Variants in LMTK2 observed in about 807,000 individuals in gnomAD.
LMTK2 encodes serine/threonine-protein kinase LMTK2.
A neutral mutation model predicts 127.5 loss-of-function variants in LMTK2; 37 were observed. The observed-to-expected ratio is 0.29, with a 90% CI of 0.22 to 0.38. The LOEUF (loss-of-function observed/expected upper bound fraction) is 0.38. Among genes scored for constraint, LMTK2 ranks in the 10% least tolerant of loss-of-function variants. The pLI is 1.00. For synonymous variants in LMTK2, 819 were observed against 810.1 expected, an observed-to-expected ratio of 1.01 and a Z score of -0.19; for missense variants, 1,694 against 1,920.3, an observed-to-expected ratio of 0.88 and a Z score of 2.20.
intron 1 of LMTK2, among the ~76,000 whole-genome samples, chr7:98,126,306 T>C (rs2116339639): frequency 6.6e-6 from 1 of 152,268 alleles, no homozygotes; most frequent in South Asian, 2.1e-4. Flanking sequence ...CAAAACAGAA[T>C]ATCCTTCCCC....
chr7:98,160,039 A>G (rs6958572), intron 6 of LMTK2, among the ~76,000 whole-genome samples: 54,367 of 152,178 alleles, frequency 0.36, 12,678 homozygotes, highest in Middle Eastern at 0.6. Flanking sequence ...TTTCTATGTG[A>G]AATTTCCTCT....
intron 5 of LMTK2, among the ~76,000 whole-genome samples, chr7:98,157,516 C>T (rs1240040592): frequency 1.3e-5 from 2 of 151,910 alleles, no homozygotes; most frequent in African/African-American, 2.4e-5. Flanking sequence ...GTACAAAAAC[C>T]CTTGCATGAT....
chr7:98,171,978 C>T lies in LMTK2; in HGVS notation c.791+304C>T, dbSNP rs1356526080. 1.3e-5 allele frequency among the ~76,000 whole-genome samples: 2 copies of T among 152,208 alleles called. No individual in the cohort carries two copies. The highest frequency in any genetic ancestry group is 2.4e-5 in the African/African-American group (1 of 41,456). ...TCCCGATCCACCGTATGACACCTCG[C>T]GTGTTTCATCCTTGCCACACCAGCT... On this transcript the variant is annotated intron_variant, in intron 7 of 13. Coordinates refer to ENST00000297293, the MANE Select transcript of LMTK2 (RefSeq NM_014916.4). This position sits in a 1 kb window ranked among gnomAD's most constrained non-coding sequence, Gnocchi z 5.1.
intron 7 of LMTK2, among the ~76,000 whole-genome samples, chr7:98,173,779 G>A (rs895744077): frequency 1.3e-5 from 2 of 152,234 alleles, no homozygotes; most frequent in East Asian, 1.9e-4. Flanking sequence ...CCTTGAGGCC[G>A]GGCACGGTGG....
At chr7:98,142,926 T>C (rs1796720007) in intron 3 of LMTK2, among the ~76,000 whole-genome samples, 1 of 152,248 alleles carries the variant, frequency 6.6e-6, no homozygotes, top group Non-Finnish European at 1.5e-5. Flanking sequence ...TTTATAACCA[T>C]AGAGGAAAGG....
rs1796187203 is a variant in LMTK2 at position 98,110,547 on chromosome 7, A to C, written c.103+3267A>C. On this transcript the variant is annotated intron_variant, in intron 1 of 13. Transcript: ENST00000297293. ...AGTTAAATTGCCAAACTAAGATTAC[A>C]GTTCAGTTCTTTTCCCCAGATCATA... Among the ~76,000 whole-genome samples, 4 of 152,246 alleles carry C rather than the reference A, an allele frequency of 2.6e-5. No individual in the cohort carries two copies. The South Asian group carries it at 8.3e-4, about 32-fold the overall frequency.
intron 1 of LMTK2, among the ~76,000 whole-genome samples, chr7:98,113,962 A>G (rs1796241387): frequency 6.6e-6 from 1 of 150,926 alleles, no homozygotes. Context: ...AAGTTAGCTC[A>G]GTGCAGTGAT....
chr7:98,116,382 G>A (rs551941751), intron 1 of LMTK2, among the ~76,000 whole-genome samples: 125 of 136,556 alleles, frequency 9.2e-4, no homozygotes, highest in African/African-American at 3.0e-3. Flanking sequence ...CAGTACCTCA[G>A]TGTGTGTCTG....
At chr7:98,184,593 A>G (rs1797405817) in intron 7 of LMTK2, among the ~76,000 whole-genome samples, 1 of 152,106 alleles carries the variant, frequency 6.6e-6, no homozygotes. Flanking sequence ...ACATGTGTTG[A>G]TTGATGTCTT....
intron 6 of LMTK2, among the ~76,000 whole-genome samples, chr7:98,160,561 GA>G (rs919283694): frequency 6.6e-6 from 1 of 151,930 alleles, no homozygotes; most frequent in East Asian, 1.9e-4. Context: ...TGCTGGAAAA[GA>G]AAAAAAGAGA....
At position 98,185,125 on chromosome 7, in the gene LMTK2, G is replaced by A; in HGVS notation, c.866G>A (p.Ser289Asn). ...VKVGDYGIGF[S>N]RYKEDYIETD... ...GTGGGAGATTACGGAATAGGATTCA[G>A]CAGGTACAAGGTAAGCCAGAGGTTT... The change falls in exon 8 of 14, where the codon AGC (serine) becomes AAC (asparagine). Residue 289 changes from serine to asparagine, a missense_variant. Coordinates refer to ENST00000297293, the MANE Select transcript of LMTK2 (RefSeq NM_014916.4). 4 of 1,609,924 alleles carry A rather than the reference G, an allele frequency of 2.5e-6. No homozygotes were observed. Among genetic ancestry groups the A allele is most frequent in the Non-Finnish European group, 3.4e-6 (4 of 1,176,420 alleles).
At chr7:98,139,810 G>A (rs963509366) in intron 2 of LMTK2, among the ~76,000 whole-genome samples, 4 of 152,182 alleles carry the variant, frequency 2.6e-5, no homozygotes, top group African/African-American at 7.2e-5. Flanking sequence ...ATGGGGGCTA[G>A]GAGAGGTGGT....
At chr7:98,131,490 G>A (rs1055754825) in intron 1 of LMTK2, among the ~76,000 whole-genome samples, 1 of 151,724 alleles carries the variant, frequency 6.6e-6, no homozygotes, top group African/African-American at 2.4e-5. Flanking sequence ...TATTCATAAT[G>A]TTTCCTATAC....
chr7:98,145,075 TGC>T (rs376841370), intron 3 of LMTK2, among the ~76,000 whole-genome samples: 21 of 152,310 alleles, frequency 1.4e-4, no homozygotes, highest in African/African-American at 5.1e-4. Flanking sequence ...TGGTGGGTCT[TGC>T]CAGCTTACCC....
chr7:98,154,781 G>T lies in LMTK2; in HGVS notation c.474G>T (p.Thr158=). 6.2e-7 allele frequency: 1 copy of T among 1,612,118 alleles called. No individual in the cohort carries two copies. The highest frequency in any genetic ancestry group is 8.5e-7 in the Non-Finnish European group (1 of 1,178,432). The part of the protein sequence containing the change: ...FGKVLLGEIY[T]GTSVARVIVK... ...AGGTTCTCTTGGGAGAGATTTACAC[G>T]GGCACTAGCGTAGCAAGAGTCATCG... Residue 158 remains threonine, a synonymous_variant, in exon 5 of 14, where the codon ACG becomes ACT. Transcript: ENST00000297293.
At chr7:98,183,163 G>A (rs1417530039) in intron 7 of LMTK2, among the ~76,000 whole-genome samples, 6 of 152,164 alleles carry the variant, frequency 3.9e-5, no homozygotes, top group African/African-American at 1.4e-4. Flanking sequence ...GTCTCTTAGA[G>A]GCAAAATCTT....
At chr7:98,141,319 T>C in intron 2 of LMTK2, 78 bp from the exon 3 acceptor site, 1 of 1,362,478 alleles carries the variant, frequency 7.3e-7, no homozygotes, top group Non-Finnish European at 1.0e-6. Flanking sequence ...TGGCAGCAAG[T>C]TCCAAATCAT....
Position 98,194,533 on chromosome 7 carries a change from C to A in LMTK2, c.4068C>A (p.Val1356=). The A allele has an allele frequency of 1.9e-6, 3 of 1,610,484 alleles. No homozygotes were observed. The highest frequency in any genetic ancestry group is 2.5e-6 in the Non-Finnish European group (3 of 1,179,992). ...ACTGGAAGAAGGAAAAGAAGGCAGTCACGTTTTTCGATGATGTCACAGTCT... is the reference window on the plus strand; with the variant it reads ...ACTGGAAGAAGGAAAAGAAGGCAGTAACGTTTTTCGATGATGTCACAGTCT... ...PEDWKKEKKA[V]TFFDDVTVYL... Residue 1356 remains valine (V), a synonymous_variant, in exon 11 of 14, where the codon GTC becomes GTA. Coordinates refer to ENST00000297293, the MANE Select transcript of LMTK2 (RefSeq NM_014916.4). The surrounding 1 kb of genome is among the most constrained non-coding windows in gnomAD (Gnocchi z 5.4).
intron 7 of LMTK2, among the ~76,000 whole-genome samples, chr7:98,179,516 G>C (rs1797321229): frequency 6.6e-6 from 1 of 152,134 alleles, no homozygotes; most frequent in South Asian, 2.1e-4. Context: ...TGGCCCAGTG[G>C]ATAGAGCAGC....
Sources: allele counts gnomAD v4.1 joint callset (sites outside exome capture counted in the v4.1 genomes callset), GRCh38; gene constraint gnomAD v4.1.1; non-coding constraint Gnocchi (gnomAD v3.1); transcripts MANE v1.5; gene names NCBI Gene and HGNC (gene_info 2026-07-23, HGNC 2026-07-21).